The following PPP1R12B variants were observed in gnomAD, a reference collection of about 807,000 sequenced individuals.
PPP1R12B encodes the protein protein phosphatase 1 regulatory subunit 12B.
In PPP1R12B, 76 loss-of-function variants were observed where a neutral mutation model predicts 126.1. The observed-to-expected ratio is 0.60, with a 90% CI of 0.50 to 0.73. The LOEUF is 0.73. PPP1R12B is among the 30% of genes least tolerant of loss of function. PPP1R12B has a pLI of 0.00. For missense variants in PPP1R12B, 1,052 were observed against 1,205.1 expected, an observed-to-expected ratio of 0.87 and a Z score of 1.88; for synonymous variants, 356 against 434.7, an observed-to-expected ratio of 0.82 and a Z score of 2.25.
At chr1:202,350,787 ATAT>A (rs1205005156) in intron 1 of PPP1R12B, among the ~76,000 whole-genome samples, 1 of 151,684 alleles carries the variant, frequency 6.6e-6, no homozygotes, top group African/African-American at 2.4e-5. Context: ...CGCCTAGATA[ATAT>A]TTGTATTTTT....
intron 18 of PPP1R12B, among the ~76,000 whole-genome samples, chr1:202,510,222 G>A (rs1681287242): frequency 6.6e-6 from 1 of 152,146 alleles, no homozygotes; most frequent in Admixed American, 6.5e-5. Context: ...TGTAGATACT[G>A]ATATCCAGCA....
intron 12 of PPP1R12B, chr1:202,448,435 A>G (rs3767423): frequency 0.13 from 19,241 of 152,498 alleles, 1,341 homozygotes; most frequent in Middle Eastern, 0.18. Context: ...AAGAGAGAGC[A>G]GTTGCTGAAT....
chr1:202,556,159 A>G (rs1352917733), intron 18 of PPP1R12B, among the ~76,000 whole-genome samples: 1 of 152,224 alleles, frequency 6.6e-6, no homozygotes, highest in Non-Finnish European at 1.5e-5. Context: ...TACAGGCGTG[A>G]ACCACTGCAC....
intron 1 of PPP1R12B, among the ~76,000 whole-genome samples, chr1:202,400,187 T>C (rs545780741): frequency 3.5e-4 from 54 of 152,368 alleles, no homozygotes; most frequent in Admixed American, 9.8e-4. Context: ...GGAAAGCACA[T>C]GATTTTGTTC....
intron 13 of PPP1R12B, among the ~76,000 whole-genome samples, chr1:202,473,370 C>T (rs952711871): frequency 6.6e-6 from 1 of 152,204 alleles, no homozygotes; most frequent in Non-Finnish European, 1.5e-5. Context: ...TTTGTTCCTG[C>T]ATTTCTGTGT....
At chr1:202,360,885 A>G (rs534563014) in intron 1 of PPP1R12B, among the ~76,000 whole-genome samples, 1 of 125,844 alleles carries the variant, frequency 7.9e-6, no homozygotes, top group East Asian at 2.5e-4. Context: ...TATCTTTACC[A>G]TTAGCTCTTT....
chr1:202,416,874 C>A lies in PPP1R12B; in HGVS notation c.379C>A (p.Pro127Thr). The A allele has an allele frequency of 6.2e-7, 1 of 1,613,998 alleles. No homozygotes were observed. The highest frequency in any genetic ancestry group is 8.5e-7 in the Non-Finnish European group (1 of 1,179,892). The change falls in exon 2 of 24, where the codon CCC (proline) becomes ACC (threonine). Residue 127 changes from proline to threonine, a missense_variant. Pro to Thr is a conservative substitution (Grantham distance 38, BLOSUM62 -1). Coordinates refer to ENST00000608999, the MANE Select transcript of PPP1R12B (RefSeq NM_002481.4). ...CCAGCAAGACAACGAGGGCTGGACA[C>A]CCCTTCATGCAGCAGCTTCCTGTGG... The part of the protein sequence containing the change: ...VNQQDNEGWT[P>T]LHAAASCGYL...
intron 23 of PPP1R12B, among the ~76,000 whole-genome samples, chr1:202,578,389 G>A (rs1416905246): frequency 2.6e-5 from 4 of 152,140 alleles, no homozygotes; most frequent in East Asian, 1.9e-4. Flanking sequence ...AGCATGGGGC[G>A]TTAAAGAGCA....
In PPP1R12B at chr1:202,427,962, AT is replaced by A. The variant is rs1020155579; in HGVS notation, c.846+780del. 1.1e-3 allele frequency among the ~76,000 whole-genome samples: 149 copies of A among 141,862 alleles called. 2 individuals carry two copies. Among genetic ancestry groups the A allele is most frequent in the African/African-American group, 3.6e-3 (145 of 40,478 alleles). 93.1% of individuals were successfully genotyped at this position (141,862 alleles called of 152,430 possible). ...ACCATGCCCAGCTGATTTTATTTTA[AT>A]TAAACTAATTTTTTTTTTTTTTTAA... On this transcript the variant is annotated intron_variant, in intron 5 of 23. Coordinates refer to ENST00000608999, the MANE Select transcript of PPP1R12B (RefSeq NM_002481.4).
At position 202,586,920 on chromosome 1, in the gene PPP1R12B, C is replaced by G. The variant is rs1572590054; in HGVS notation, c.*6360C>G. 6.6e-6 allele frequency: 1 copy of G among 152,166 alleles called. No individual in the cohort carries two copies. The allele number at this position is 152,166 out of a possible 1,614,324, so 9.4% of individuals were successfully genotyped here. On this transcript the variant is annotated 3_prime_UTR_variant, in exon 24 of 24. Coordinates refer to ENST00000608999, the MANE Select transcript of PPP1R12B (RefSeq NM_002481.4). The stretch of plus-strand genomic sequence containing the variant: ...TGCGTTCACATGCACATTTGCTAGC[C>G]CAGAGCTTTTAAAATGAGGTCTGGC...
intron 1 of PPP1R12B, chr1:202,369,383 G>A (rs936563387): frequency 1.3e-5 from 2 of 152,222 alleles, no homozygotes; most frequent in Non-Finnish European, 2.9e-5. Flanking sequence ...AAACCCAAAT[G>A]TATTCATTTA....
intron 13 of PPP1R12B, among the ~76,000 whole-genome samples, chr1:202,487,266 ACT>A (rs1678264476): frequency 6.6e-6 from 1 of 152,154 alleles, no homozygotes; most frequent in Admixed American, 6.5e-5. Context: ...ACAACGAGAA[ACT>A]CTCTTAGCCT....
At chr1:202,540,408 A>G (rs751487526) in intron 18 of PPP1R12B, among the ~76,000 whole-genome samples, 127 of 152,336 alleles carry the variant, frequency 8.3e-4, no homozygotes, top group Middle Eastern at 6.8e-3. Context: ...TTTCTCTGCA[A>G]GAGGTTATGG....
intron 6 of PPP1R12B, 142 bp from the exon 7 acceptor site, chr1:202,430,588 CT>C: frequency 1.4e-6 from 1 of 719,840 alleles, no homozygotes; most frequent in Non-Finnish European, 2.2e-6. Context: ...TGATATGTTT[CT>C]CTTTTTCTCG....
intron 18 of PPP1R12B, among the ~76,000 whole-genome samples, chr1:202,510,095 A>G (rs1285145402): frequency 6.6e-6 from 1 of 152,246 alleles, no homozygotes; most frequent in African/African-American, 2.4e-5. Flanking sequence ...ATGTTGTATG[A>G]GAAGGCCTCT....
rs912990943 is a variant in PPP1R12B at position 202,586,855 on chromosome 1, G to A, written c.*6295G>A. On this transcript the variant is annotated 3_prime_UTR_variant, in exon 24 of 24. Transcript: ENST00000608999. ...TGAATGTTCTGGCCTTACCTAAAAA[G>A]GTTTAGCAATTTGGGGATAACTCTT... 5 of 152,208 alleles carry A rather than the reference G, an allele frequency of 3.3e-5. No homozygotes were observed. The highest frequency in any genetic ancestry group is 7.3e-5 in the Non-Finnish European group (5 of 68,032). The allele number at this position is 152,208 out of a possible 1,614,324, so 9.4% of individuals were successfully genotyped here.
At chr1:202,400,413 A>G (rs558065843) in intron 1 of PPP1R12B, among the ~76,000 whole-genome samples, 7 of 152,326 alleles carry the variant, frequency 4.6e-5, no homozygotes, top group Non-Finnish European at 8.8e-5. Context: ...AATCCAATAT[A>G]CTACAATAGG....
chr1:202,534,563 CTT>C (rs34606007), intron 18 of PPP1R12B, among the ~76,000 whole-genome samples: 7,808 of 132,936 alleles, frequency 0.059, 381 homozygotes, highest in African/African-American at 0.17. Context: ...CTAGCTTTCC[CTT>C]TTTTTTTTTT....
Position 202,541,230 on chromosome 1 carries a change from T to TC in PPP1R12B, c.2491-17647_2491-17646insC, listed in dbSNP as rs954346787. Among the ~76,000 whole-genome samples the TC allele has an allele frequency of 9.4e-3, 221 of 23,564 alleles. 1 individual carries two copies. Among genetic ancestry groups the TC allele is most frequent in the African/African-American group, 0.021 (213 of 10,112 alleles). The allele number at this position is 23,564 out of a possible 152,430, so 15.5% of individuals were successfully genotyped here. ...AGAAGCCTGGATAGACTAGTGTGGG[T>TC]TTTTTTTTCCCCCAATTATTTTGTA... On this transcript the variant is annotated intron_variant, in intron 18 of 23. Coordinates refer to ENST00000608999, the MANE Select transcript of PPP1R12B (RefSeq NM_002481.4).
Sources: gnomAD v4.1 joint callset for allele counts (sites outside exome capture counted in the v4.1 genomes callset) on GRCh38, gnomAD v4.1.1 for gene constraint, MANE v1.5 for transcripts, NCBI Gene and HGNC (gene_info 2026-07-23, HGNC 2026-07-21) for gene names.